ATRNL1: variants seen among roughly 807,000 people sequenced by gnomAD.
ATRNL1 encodes the protein attractin like 1, also known as attractin-like protein 1.
In ATRNL1, 95 loss-of-function variants were observed where a neutral mutation model predicts 182.7. The ratio of observed to expected loss-of-function variants is 0.52; its 90% CI spans 0.44 to 0.62. The LOEUF is 0.62. Ranked by LOEUF, ATRNL1 falls within the 20% of genes least tolerant of loss-of-function variation. The pLI, the probability that ATRNL1 is intolerant of heterozygous loss-of-function variation, is 0.00. For synonymous variants in ATRNL1, 576 were observed against 568.3 expected (o/e 1.01, Z -0.19); for missense variants, 1,471 against 1,679.5 (o/e 0.88, Z 2.17).
At chr10:115,505,734 G>A (rs554837517) in intron 24 of ATRNL1, among the ~76,000 whole-genome samples, 1 of 151,816 alleles carries the variant, frequency 6.6e-6, no homozygotes, top group African/African-American at 2.4e-5. Context: ...AAAAAAACAT[G>A]AACGCCTTTT....
At chr10:115,631,455 A>G (rs1565230033) in intron 26 of ATRNL1, among the ~76,000 whole-genome samples, 1 of 152,150 alleles carries the variant, frequency 6.6e-6, no homozygotes, top group Admixed American at 6.5e-5. Flanking sequence ...ATAGGATAAT[A>G]GAATATAGAA....
chr10:115,524,369 T>C (rs1350106615), intron 25 of ATRNL1, among the ~76,000 whole-genome samples: 2 of 152,218 alleles, frequency 1.3e-5, no homozygotes, highest in African/African-American at 4.8e-5. Context: ...TGAAATAATA[T>C]AGTAAATAAT....
chr10:115,486,087 A>C (rs1849009176), intron 24 of ATRNL1, among the ~76,000 whole-genome samples: 1 of 152,030 alleles, frequency 6.6e-6, no homozygotes, highest in Admixed American at 6.6e-5. Context: ...ATCATTTTTT[A>C]TGGCTGCATA....
At chr10:115,197,311 A>G (rs1385509700) in intron 8 of ATRNL1, among the ~76,000 whole-genome samples, 1 of 152,100 alleles carries the variant, frequency 6.6e-6, no homozygotes, top group Non-Finnish European at 1.5e-5. Context: ...CTATATTCAT[A>G]AGAGATATTA....
At chr10:115,553,966 C>T (rs139876122) in intron 26 of ATRNL1, among the ~76,000 whole-genome samples, 21 of 151,490 alleles carry the variant, frequency 1.4e-4, no homozygotes, top group Non-Finnish European at 2.8e-4. Flanking sequence ...AAAGAAGATT[C>T]GGCACAGAAT....
chr10:115,484,924 T>C (rs1189016121), intron 24 of ATRNL1, among the ~76,000 whole-genome samples: 1 of 151,754 alleles, frequency 6.6e-6, no homozygotes, highest in African/African-American at 2.4e-5. Context: ...GAGCATGCAA[T>C]AGGGAGAAGA....
intron 8 of ATRNL1, among the ~76,000 whole-genome samples, chr10:115,192,026 T>A (rs1018718183): frequency 1.3e-5 from 2 of 152,114 alleles, no homozygotes; most frequent in African/African-American, 4.8e-5. Flanking sequence ...TTGAAAATAT[T>A]TTCTCTCATT....
intron 27 of ATRNL1, among the ~76,000 whole-genome samples, chr10:115,827,126 C>T (rs1266248315): frequency 3.3e-5 from 5 of 152,186 alleles, no homozygotes; most frequent in Non-Finnish European, 5.9e-5. Flanking sequence ...TGCTGTGTGA[C>T]AGAACATTAA....
In ATRNL1 at chr10:115,859,102, G is replaced by A. The variant is rs1217283146; in HGVS notation, c.4018+11111G>A. Among the ~76,000 whole-genome samples the A allele has an allele frequency of 3.3e-5, 5 of 151,876 alleles. No individual in the cohort carries two copies. The South Asian group carries it at 6.3e-4, about 19-fold the overall frequency. On this transcript the variant is annotated intron_variant, in intron 28 of 28. Transcript: ENST00000355044. ...CTTATAAGGGCACTAATCTCATCCT[G>A]AAGCTCCACTCTCTTGCCCTTATCT...
At chr10:115,304,001 C>T (rs1853609859) in intron 17 of ATRNL1, among the ~76,000 whole-genome samples, 1 of 152,148 alleles carries the variant, frequency 6.6e-6, no homozygotes, top group African/African-American at 2.4e-5. Context: ...CCTAAGTTCT[C>T]CACTATCATC....
At chr10:115,337,275 T>C (rs1167106701) in intron 19 of ATRNL1, among the ~76,000 whole-genome samples, 2 of 152,154 alleles carry the variant, frequency 1.3e-5, no homozygotes, top group Admixed American at 1.3e-4. Context: ...CAATGTGAAA[T>C]AATCACTTCA....
At position 115,488,473 on chromosome 10, in the gene ATRNL1, T is replaced by C. The variant is rs191034377; in HGVS notation, c.3654+19144T>C. On this transcript the variant is annotated intron_variant, in intron 24 of 28. Coordinates refer to ENST00000355044, the MANE Select transcript of ATRNL1 (RefSeq NM_207303.4). ...GGGAGTGTGTATGTGTCCAGGAATT[T>C]ATCCATTTCTTCTAGATTTTCTAGT... is the stretch of plus-strand genomic sequence containing the variant. Among the ~76,000 whole-genome samples the C allele has an allele frequency of 6.2e-4, 95 of 152,338 alleles. No individual in the cohort carries two copies. The Middle Eastern group carries it at 0.01, about 16-fold the overall frequency.
At chr10:115,591,983 A>G (rs145727547) in intron 26 of ATRNL1, among the ~76,000 whole-genome samples, 3 of 152,220 alleles carry the variant, frequency 2.0e-5, no homozygotes, top group African/African-American at 7.2e-5. Flanking sequence ...ATGGAATACT[A>G]TGCAGCCATA....
At chr10:115,299,043 AGGTGGAGAAACATTTTTCTC>A (rs1303975517) in intron 15 of ATRNL1, among the ~76,000 whole-genome samples, 2 of 151,996 alleles carry the variant, frequency 1.3e-5, no homozygotes, top group Non-Finnish European at 2.9e-5. Flanking sequence ...TTAATGTCTA[AGGTGGAGAAACATTTTTCTC>A]TATCCTGGTA....
chr10:115,760,096 T>C (rs1555073197), intron 27 of ATRNL1, among the ~76,000 whole-genome samples: 3 of 151,670 alleles, frequency 2.0e-5, no homozygotes, highest in African/African-American at 7.3e-5. Context: ...ATATATAATA[T>C]ATATTTTTCC....
chr10:115,213,548 C>A (rs933148696), intron 8 of ATRNL1, among the ~76,000 whole-genome samples: 7 of 152,048 alleles, frequency 4.6e-5, no homozygotes, highest in African/African-American at 1.7e-4. Flanking sequence ...ATTCTCCAGT[C>A]CCTAGCCAGT....
At chr10:115,544,497 G>T (rs951873) in intron 25 of ATRNL1, among the ~76,000 whole-genome samples, 9,039 of 152,118 alleles carry the variant, frequency 0.059, 833 homozygotes, top group African/African-American at 0.2. Flanking sequence ...TGAAGGGGGG[G>T]CAGGCTTGTC....
chr10:115,197,286 T>A (rs1848398531), intron 8 of ATRNL1, among the ~76,000 whole-genome samples: 1 of 152,124 alleles, frequency 6.6e-6, no homozygotes, highest in African/African-American at 2.4e-5. Context: ...GCTAAAATCT[T>A]AAAGACTTCT....
chr10:115,739,579 A>G (rs771921960), intron 27 of ATRNL1, among the ~76,000 whole-genome samples: 1 of 152,218 alleles, frequency 6.6e-6, no homozygotes, highest in Non-Finnish European at 1.5e-5. Flanking sequence ...GGTAAATTTG[A>G]GTATTGTCAA....
Sources: allele counts gnomAD v4.1 joint callset (sites outside exome capture counted in the v4.1 genomes callset), GRCh38; gene constraint gnomAD v4.1.1; transcripts MANE v1.5; gene names NCBI Gene and HGNC (gene_info 2026-07-23, HGNC 2026-07-21).